Variants in NAALADL2 observed in about 807,000 individuals in gnomAD.
NAALADL2 encodes inactive N-acetylated-alpha-linked acidic dipeptidase-like protein 2.
A neutral mutation model predicts 87.2 loss-of-function variants in NAALADL2; 76 were observed. The observed-to-expected ratio is 0.87, with a 90% CI of 0.72 to 1.05. NAALADL2 has a LOEUF of 1.05. Ranked by LOEUF, NAALADL2 falls within the 50% of genes least tolerant of loss-of-function variation. The pLI, the probability that NAALADL2 is intolerant of heterozygous loss-of-function variation, is 0.00. For missense variants in NAALADL2, 1,089 were observed against 945.8 expected (o/e 1.15, Z -1.99); for synonymous variants, 354 against 331.0 (o/e 1.07, Z -0.75).
intron 2 of NAALADL2, among the ~76,000 whole-genome samples, chr3:174,682,000 G>A (rs1484809008): frequency 6.6e-6 from 1 of 152,130 alleles, no homozygotes; most frequent in Non-Finnish European, 1.5e-5. Flanking sequence ...GTGGTAGCCA[G>A]GCAGTACTCA....
chr3:175,285,758 G>C (rs1754901719), intron 4 of NAALADL2, among the ~76,000 whole-genome samples: 1 of 151,910 alleles, frequency 6.6e-6, no homozygotes, highest in African/African-American at 2.4e-5. Flanking sequence ...CATTGTTTAT[G>C]TATTTAAAAT....
At chr3:175,795,772 T>A (rs1278826689) in intron 13 of NAALADL2, among the ~76,000 whole-genome samples, 1 of 152,050 alleles carries the variant, frequency 6.6e-6, no homozygotes. Flanking sequence ...ATAAATTATG[T>A]ATTGCCTCAT....
At chr3:174,762,125 A>G (rs1216238938) in intron 3 of NAALADL2, among the ~76,000 whole-genome samples, 1 of 149,956 alleles carries the variant, frequency 6.7e-6, no homozygotes, top group Non-Finnish European at 1.5e-5. Flanking sequence ...AAATGAAACA[A>G]TGTATCTGGG....
chr3:174,611,499 T>C, intron 2 of NAALADL2, among the ~76,000 whole-genome samples: 1 of 152,196 alleles, frequency 6.6e-6, no homozygotes, highest in East Asian at 1.9e-4. Flanking sequence ...GTAGGAATAG[T>C]GTACATACCA....
At chr3:174,834,344 A>T (rs1242225874) in intron 3 of NAALADL2, among the ~76,000 whole-genome samples, 2 of 147,014 alleles carry the variant, frequency 1.4e-5, no homozygotes, top group South Asian at 4.2e-4. Flanking sequence ...CCTAGAGTAA[A>T]CATCATACCT....
Position 174,539,266 on chromosome 3 carries a change from C to A in NAALADL2, c.-183-11303C>A, listed in dbSNP as rs148398165. On this transcript the variant is annotated intron_variant, in intron 1 of 3. Transcript: ENST00000434257. The stretch of plus-strand genomic sequence containing the variant: ...AATACATTACAAAAGCTTTCTTTTA[C>A]ACACACAGAGATGAAATGATAGCTA... Among the ~76,000 whole-genome samples, 208 of 152,150 alleles carry A rather than the reference C, an allele frequency of 1.4e-3. 2 individuals are homozygous for A. Among genetic ancestry groups the A allele is most frequent in the Middle Eastern group, 0.01 (3 of 294 alleles).
intron 9 of NAALADL2, among the ~76,000 whole-genome samples, chr3:175,573,498 A>G (rs1373619282): frequency 1.3e-5 from 2 of 152,214 alleles, no homozygotes; most frequent in East Asian, 3.8e-4. Flanking sequence ...TCAATGTGAG[A>G]CACTAGTGAT....
intron 3 of NAALADL2, among the ~76,000 whole-genome samples, chr3:174,849,475 G>T (rs193068106): frequency 6.6e-6 from 1 of 151,818 alleles, no homozygotes; most frequent in Non-Finnish European, 1.5e-5. Context: ...GGTGACTCAC[G>T]CCTGTAATCC....
chr3:175,173,007 G>T (rs1272982367), intron 2 of NAALADL2, among the ~76,000 whole-genome samples: 1 of 151,988 alleles, frequency 6.6e-6, no homozygotes, highest in Non-Finnish European at 1.5e-5. Flanking sequence ...ATATTGCAAT[G>T]AAGCCAGGTG....
At chr3:175,228,040 A>G (rs2109414762) in intron 2 of NAALADL2, among the ~76,000 whole-genome samples, 1 of 152,092 alleles carries the variant, frequency 6.6e-6, no homozygotes, top group South Asian at 2.1e-4. Context: ...CAGTATTTCT[A>G]CAATCATGTG....
rs147276920 is a variant in NAALADL2 at position 175,422,146 on chromosome 3, T to C, written c.1091-25083T>C. On this transcript the variant is annotated intron_variant, in intron 5 of 13. Coordinates refer to ENST00000454872, the MANE Select transcript of NAALADL2 (RefSeq NM_207015.3). The stretch of plus-strand genomic sequence containing the variant: ...TGATTTTTTAAATTCTTCCTAACCC[T>C]AAAATATTTAAAGACTTCAATTTAT... Among the ~76,000 whole-genome samples, 497 of 151,994 alleles carry C rather than the reference T, an allele frequency of 3.3e-3. 2 individuals carry two copies. Among genetic ancestry groups the C allele is most frequent in the African/African-American group, 0.011 (448 of 41,432 alleles).
chr3:175,311,824 AGT>A (rs1758406423), intron 4 of NAALADL2, among the ~76,000 whole-genome samples: 1 of 152,134 alleles, frequency 6.6e-6, no homozygotes, highest in Non-Finnish European at 1.5e-5. Context: ...AATAACTTCA[AGT>A]ATTTTTTTCC....
intron 2 of NAALADL2, among the ~76,000 whole-genome samples, chr3:174,736,382 A>G (rs116308596): frequency 0.014 from 2,104 of 152,192 alleles, 12 homozygotes; most frequent in Middle Eastern, 0.021. Context: ...GAGGAACTTT[A>G]TTGAGCAGCA....
chr3:174,441,867 C>T (rs952480344), intron 1 of NAALADL2, among the ~76,000 whole-genome samples: 2 of 151,670 alleles, frequency 1.3e-5, no homozygotes, highest in Non-Finnish European at 2.9e-5. Context: ...TCTTTATTTA[C>T]TAGGGCTTGC....
intron 2 of NAALADL2, among the ~76,000 whole-genome samples, chr3:175,166,787 ACT>A (rs748291021): frequency 6.6e-6 from 1 of 151,856 alleles, no homozygotes; most frequent in Non-Finnish European, 1.5e-5. Flanking sequence ...TACCTCTTGA[ACT>A]CTCTAAGCTC....
chr3:174,772,765 G>A (rs533458213), intron 3 of NAALADL2, among the ~76,000 whole-genome samples: 1 of 152,278 alleles, frequency 6.6e-6, no homozygotes, highest in African/African-American at 2.4e-5. Context: ...GGAAACACAA[G>A]AGAGGAACCC....
At chr3:174,470,922 G>A (rs1716858072) in intron 1 of NAALADL2, among the ~76,000 whole-genome samples, 1 of 151,994 alleles carries the variant, frequency 6.6e-6, no homozygotes, top group Non-Finnish European at 1.5e-5. Context: ...GGACATTTTG[G>A]TTGTTTTCAA....
At chr3:175,070,183 A>T (rs1715362078) in intron 1 of NAALADL2, among the ~76,000 whole-genome samples, 1 of 150,530 alleles carries the variant, frequency 6.6e-6, no homozygotes. Flanking sequence ...TAAAATAAAA[A>T]TAAAAAATAA....
chr3:175,708,007 A>G (rs1461585442), intron 11 of NAALADL2, among the ~76,000 whole-genome samples: 1 of 152,086 alleles, frequency 6.6e-6, no homozygotes, highest in African/African-American at 2.4e-5. Flanking sequence ...CATGGGGGAA[A>G]AAAAAACAAA....
Sources: allele counts gnomAD v4.1 joint callset (sites outside exome capture counted in the v4.1 genomes callset), GRCh38; gene constraint gnomAD v4.1.1; transcripts MANE v1.5; gene names NCBI Gene and HGNC (gene_info 2026-07-23, HGNC 2026-07-21).